MOGAT1: variants seen among roughly 807,000 people sequenced by gnomAD.
The protein encoded by MOGAT1 is 2-acylglycerol O-acyltransferase 1.
MOGAT1 carries 32 observed loss-of-function variants against 31.4 expected under a neutral mutation model. The observed-to-expected ratio is 1.02, with a 90% CI of 0.77 to 1.37. The LOEUF (loss-of-function observed/expected upper bound fraction) is 1.37, where lower values mean the gene tolerates loss of function less well. MOGAT1 is among the 40% of genes most tolerant of loss of function. MOGAT1 has a pLI of 0.00. For missense variants in MOGAT1, 426 were observed against 402.0 expected (o/e 1.06, Z -0.51); for synonymous variants, 145 against 144.5 (o/e 1.00, Z -0.03).
At chr2:222,699,575 C>T (rs1692889957) in intron 5 of MOGAT1, 1 of 144,908 alleles carries the variant, frequency 6.9e-6, no homozygotes, top group Non-Finnish European at 1.5e-5. Flanking sequence ...CTGCTCACTG[C>T]AAGCTCTGCC....
chr2:222,684,412 A>C (rs1260618424), intron 1 of MOGAT1, among the ~76,000 whole-genome samples: 1 of 152,196 alleles, frequency 6.6e-6, no homozygotes, highest in African/African-American at 2.4e-5. Context: ...TCTCAAAAAA[A>C]AAAAGAAAGA....
At chr2:222,702,847 A>C (rs1342758370) in intron 5 of MOGAT1, among the ~76,000 whole-genome samples, 2 of 151,872 alleles carry the variant, frequency 1.3e-5, no homozygotes, top group East Asian at 1.9e-4. Flanking sequence ...ACAAAAAACA[A>C]ACAAACAAAC....
In MOGAT1 at chr2:222,672,172, T is replaced by G. The variant is rs1237139646; in HGVS notation, c.94+293T>G. On this transcript the variant is annotated intron_variant, in intron 1 of 5. Coordinates refer to ENST00000446656, the MANE Select transcript of MOGAT1 (RefSeq NM_058165.3). Reference sequence around the variant, plus strand: ...ATACAGCTCGATGACTTTTGGCGACTGTATCTACCAAAATGTAACCATGAC... The same window carrying G: ...ATACAGCTCGATGACTTTTGGCGACGGTATCTACCAAAATGTAACCATGAC... Among the ~76,000 whole-genome samples the G allele has an allele frequency of 2.0e-5, 3 of 152,220 alleles. No individual in the cohort carries two copies. The East Asian group carries it at 5.8e-4, about 29-fold the overall frequency.
chr2:222,690,372 C>T (rs1019100892), intron 3 of MOGAT1, among the ~76,000 whole-genome samples: 1 of 152,016 alleles, frequency 6.6e-6, no homozygotes, highest in Non-Finnish European at 1.5e-5. Flanking sequence ...CCAGCCTTGC[C>T]AACATAGTGA....
At chr2:222,678,822 T>C (rs897661832) in intron 1 of MOGAT1, among the ~76,000 whole-genome samples, 14 of 152,286 alleles carry the variant, frequency 9.2e-5, no homozygotes, top group African/African-American at 2.6e-4. Context: ...GTGCCTGTAG[T>C]CTCAGCTACT....
At chr2:222,688,121 TAAATA>T (rs1692704763) in intron 1 of MOGAT1, among the ~76,000 whole-genome samples, 1 of 152,178 alleles carries the variant, frequency 6.6e-6, no homozygotes, top group African/African-American at 2.4e-5. Context: ...ATACGACGAT[TAAATA>T]AAAATACCTT....
intron 1 of MOGAT1, among the ~76,000 whole-genome samples, chr2:222,681,923 A>T (rs1692586233): frequency 1.3e-5 from 2 of 152,212 alleles, no homozygotes; most frequent in South Asian, 4.1e-4. Flanking sequence ...ACCAAATATT[A>T]TTATGTCACA....
At chr2:222,704,063 A>G (rs1692968157) in intron 5 of MOGAT1, among the ~76,000 whole-genome samples, 1 of 152,236 alleles carries the variant, frequency 6.6e-6, no homozygotes, top group Admixed American at 6.5e-5. Context: ...CATACCAGCT[A>G]TAAAAAGCAG....
At chr2:222,697,708 G>A (rs1005231060) in intron 5 of MOGAT1, among the ~76,000 whole-genome samples, 8 of 151,390 alleles carry the variant, frequency 5.3e-5, no homozygotes, top group Non-Finnish European at 8.8e-5. Context: ...CAAGTAGCTG[G>A]GATTACAGGC....
At chr2:222,693,455 T>C (rs906429158) in intron 3 of MOGAT1, among the ~76,000 whole-genome samples, 17 of 151,674 alleles carry the variant, frequency 1.1e-4, no homozygotes, top group African/African-American at 3.6e-4. Flanking sequence ...CTTGTTTTTT[T>C]TTTTTTTTTT....
intron 1 of MOGAT1, among the ~76,000 whole-genome samples, chr2:222,683,091 C>T (rs1446217766): frequency 6.6e-6 from 1 of 151,856 alleles, no homozygotes; most frequent in African/African-American, 2.4e-5. Context: ...CTAGTCCCAG[C>T]TACTTGGGAG....
intron 1 of MOGAT1, among the ~76,000 whole-genome samples, chr2:222,682,224 A>T (rs1692592122): frequency 6.6e-6 from 1 of 152,172 alleles, no homozygotes; most frequent in East Asian, 1.9e-4. Context: ...ATCTCTAAAT[A>T]CTGTAGCATG....
intron 1 of MOGAT1, chr2:222,678,057 C>T (rs1692524334): frequency 1.3e-5 from 3 of 238,136 alleles, no homozygotes; most frequent in Non-Finnish European, 2.6e-5. Context: ...TGTCTCATGG[C>T]TCCAACCAAA....
At chr2:222,705,934 T>C (rs1692999159) in intron 5 of MOGAT1, among the ~76,000 whole-genome samples, 1 of 152,224 alleles carries the variant, frequency 6.6e-6, no homozygotes, top group African/African-American at 2.4e-5. Context: ...ATGATTATAA[T>C]CTGTGTTCTG....
intron 1 of MOGAT1, among the ~76,000 whole-genome samples, chr2:222,682,840 CAA>C (rs1692603954): frequency 6.6e-6 from 1 of 152,132 alleles, no homozygotes; most frequent in Non-Finnish European, 1.5e-5. Context: ...TGATGCTAAA[CAA>C]AAGTCTACAA....
intron 5 of MOGAT1, among the ~76,000 whole-genome samples, chr2:222,696,715 G>A (rs1210002818): frequency 6.6e-6 from 1 of 152,122 alleles, no homozygotes; most frequent in Non-Finnish European, 1.5e-5. Flanking sequence ...ATCCAGTTGA[G>A]GGAGGAGGGT....
chr2:222,676,177 G>T (rs1214204011), intron 1 of MOGAT1, among the ~76,000 whole-genome samples: 1 of 150,608 alleles, frequency 6.6e-6, no homozygotes, highest in Non-Finnish European at 1.5e-5. Flanking sequence ...AATACAGACG[G>T]GGTCTCTCTA....
chr2:222,708,007 C>T (rs1693031860), intron 5 of MOGAT1, among the ~76,000 whole-genome samples: 1 of 152,152 alleles, frequency 6.6e-6, no homozygotes, highest in Non-Finnish European at 1.5e-5. Flanking sequence ...GACCTCATGC[C>T]CAAGCTAATG....
chr2:222,679,354 T>C (rs1188681469), intron 1 of MOGAT1, among the ~76,000 whole-genome samples: 2 of 152,230 alleles, frequency 1.3e-5, no homozygotes, highest in Non-Finnish European at 2.9e-5. Context: ...GTATTGTTTT[T>C]CACAGGTGTT....
Sources: allele counts gnomAD v4.1 joint callset (sites outside exome capture counted in the v4.1 genomes callset), GRCh38; gene constraint gnomAD v4.1.1; transcripts MANE v1.5; gene names NCBI Gene and HGNC (gene_info 2026-07-23, HGNC 2026-07-21).